Variants in ASB3 observed in about 807,000 individuals in gnomAD.
ASB3 encodes ankyrin repeat and SOCS box protein 3.
A neutral mutation model predicts 54.5 loss-of-function variants in ASB3; 41 were observed. That is an observed-to-expected ratio of 0.75 (90% confidence interval 0.59 to 0.98). ASB3 has a LOEUF of 0.98. Ranked by LOEUF, ASB3 falls within the 50% of genes least tolerant of loss-of-function variation. ASB3 has a pLI of 0.00. For synonymous variants in ASB3, 266 were observed against 221.2 expected, an observed-to-expected ratio of 1.20 and a Z score of -1.80; for missense variants, 733 against 620.0, an observed-to-expected ratio of 1.18 and a Z score of -1.94.
intron 3 of ASB3, among the ~76,000 whole-genome samples, chr2:53,741,686 G>C (rs180825462): frequency 2.1e-4 from 32 of 152,180 alleles, no homozygotes; most frequent in African/African-American, 7.0e-4. Flanking sequence ...CTGAAATCGA[G>C]AATTTCTGTT....
rs1667751174 is a variant in ASB3 at position 53,670,436 on chromosome 2, C to T, written c.*67G>A. 2 of 1,531,238 alleles carry T rather than the reference C, an allele frequency of 1.3e-6. No homozygotes were observed. The highest frequency in any genetic ancestry group is 4.7e-5 in the East Asian group (2 of 42,674). The allele number at this position is 1,531,238 out of a possible 1,614,324, so 94.9% of individuals were successfully genotyped here. On this transcript the variant is annotated 3_prime_UTR_variant, in exon 10 of 10. Coordinates refer to ENST00000263634, the MANE Select transcript of ASB3 (RefSeq NM_016115.5). ...CTATAAAATCATAAAAACTTGTACT[C>T]TGTGGCTCTTTTGTCTCGATGATTT...
rs3770414 is a variant in ASB3 at position 53,684,447 on chromosome 2, G to T, written c.1369+9437C>A. Among the ~76,000 whole-genome samples, 38 of 152,258 alleles carry T rather than the reference G, an allele frequency of 2.5e-4. 1 individual carries two copies. In the East Asian group the frequency reaches 5.0e-3, roughly 20 times the overall value. ...AATTCATGAATAAAGGAGATTACCAGAATTCGATTTAGACGAACAGTTTTA... is the reference window on the plus strand; with the variant it reads ...AATTCATGAATAAAGGAGATTACCATAATTCGATTTAGACGAACAGTTTTA... On this transcript the variant is annotated intron_variant, in intron 9 of 9. Coordinates refer to ENST00000263634, the MANE Select transcript of ASB3 (RefSeq NM_016115.5).
intron 3 of ASB3, among the ~76,000 whole-genome samples, chr2:53,731,429 A>C (rs1671305625): frequency 6.6e-6 from 1 of 152,112 alleles, no homozygotes; most frequent in Non-Finnish European, 1.5e-5. Flanking sequence ...AAAACAAAAC[A>C]AAAAACCAAA....
At position 53,677,356 on chromosome 2, in the gene ASB3, C is replaced by T. The variant is rs182839397; in HGVS notation, c.1370-6666G>A. Among the ~76,000 whole-genome samples the T allele has an allele frequency of 3.5e-3, 527 of 152,204 alleles. 1 individual carries two copies. Among genetic ancestry groups the T allele is most frequent in the African/African-American group, 0.012 (507 of 41,520 alleles). On this transcript the variant is annotated intron_variant, in intron 9 of 9. Coordinates refer to ENST00000263634, the MANE Select transcript of ASB3 (RefSeq NM_016115.5). ...TGTATCTCTTTTCTGGTGCATTTTTCCTTTAGCAGCTCTTAAAAAATTGCC... is the reference window on the plus strand; with the variant it reads ...TGTATCTCTTTTCTGGTGCATTTTTTCTTTAGCAGCTCTTAAAAAATTGCC...
chr2:53,733,613 T>G (rs763795732), intron 3 of ASB3, among the ~76,000 whole-genome samples: 2 of 152,166 alleles, frequency 1.3e-5, no homozygotes, highest in Non-Finnish European at 2.9e-5. Context: ...ACCTAATTTT[T>G]GTATTTTTAG....
rs376412249 is a variant in ASB3, at chr2:53,761,177, C to T, written c.196+4200G>A. ...TAGCTGGGAAAGGTGACCGCACCTACCTTTAAACACCGGGCTTGTAACTCA... is the reference window on the plus strand; with the variant it reads ...TAGCTGGGAAAGGTGACCGCACCTATCTTTAAACACCGGGCTTGTAACTCA... On this transcript the variant is annotated intron_variant, in intron 2 of 9. Coordinates refer to ENST00000263634, the MANE Select transcript of ASB3 (RefSeq NM_016115.5). 5.3e-5 allele frequency among the ~76,000 whole-genome samples: 8 copies of T among 152,250 alleles called. No homozygotes were observed. In the East Asian group the frequency reaches 7.7e-4, roughly 15 times the overall value.
At chr2:53,758,964 G>C (rs1367733971) in intron 2 of ASB3, among the ~76,000 whole-genome samples, 1 of 152,186 alleles carries the variant, frequency 6.6e-6, no homozygotes, top group Admixed American at 6.5e-5. Flanking sequence ...AGATAACCCT[G>C]ATGGCTATAT....
intron 9 of ASB3, among the ~76,000 whole-genome samples, chr2:53,683,800 C>T (rs868775816): frequency 6.6e-6 from 1 of 151,946 alleles, no homozygotes; most frequent in African/African-American, 2.4e-5. Flanking sequence ...TCTACGGTAT[C>T]GGTTATAATG....
chr2:53,716,256 A>G (rs1164981278), intron 6 of ASB3, among the ~76,000 whole-genome samples: 3 of 152,170 alleles, frequency 2.0e-5, no homozygotes, highest in Non-Finnish European at 4.4e-5. Flanking sequence ...GATGCCTGGG[A>G]TAAAACTAGG....
chr2:53,728,976 A>T, intron 4 of ASB3, 129 bp from the exon 5 acceptor site: 1 of 1,031,748 alleles, frequency 9.7e-7, no homozygotes, highest in Non-Finnish European at 1.3e-6. Context: ...AAAACAAAAC[A>T]GTATACTGCT....
At chr2:53,682,652 T>C (rs1053197754) in intron 9 of ASB3, among the ~76,000 whole-genome samples, 3 of 151,994 alleles carry the variant, frequency 2.0e-5, no homozygotes, top group African/African-American at 7.2e-5. Flanking sequence ...AATTTTTGTA[T>C]TTTTAGTAGA....
intron 5 of ASB3, among the ~76,000 whole-genome samples, chr2:53,717,345 T>C (rs986293938): frequency 6.6e-6 from 1 of 152,218 alleles, no homozygotes; most frequent in African/African-American, 2.4e-5. Flanking sequence ...ATGACATATA[T>C]GGGAGCCACG....
At chr2:53,769,726 G>A (rs1191799723) in intron 1 of ASB3, among the ~76,000 whole-genome samples, 2 of 152,312 alleles carry the variant, frequency 1.3e-5, no homozygotes, top group East Asian at 3.9e-4. Flanking sequence ...CACGCCAGTA[G>A]AGTCCCAGCT....
At chr2:53,697,187 C>T (rs998940989) in intron 8 of ASB3, among the ~76,000 whole-genome samples, 2 of 152,206 alleles carry the variant, frequency 1.3e-5, no homozygotes, top group Non-Finnish European at 2.9e-5. Context: ...GACACTCCCA[C>T]CAGCCCCATG....
Position 53,765,422 on chromosome 2 carries a change from C to T in ASB3, c.151G>A (p.Ala51Thr), listed in dbSNP as rs763130710. The T allele has an allele frequency of 1.2e-6, 2 of 1,614,182 alleles. No individual in the cohort carries two copies. The highest frequency in any genetic ancestry group is 1.7e-6 in the Non-Finnish European group (2 of 1,180,010). The change falls in exon 2 of 10, where the codon GCT becomes ACT. Residue 51 changes from alanine (A) to threonine (T), a missense_variant. By Grantham distance (58) the Ala-to-Thr change is moderately conservative. Coordinates refer to ENST00000263634, the MANE Select transcript of ASB3 (RefSeq NM_016115.5). ...AAACATTCTACAGAGTTGTGATAAG[C>T]TGCTTCATGAATTGGCATCCATCCC... ...NRGWMPIHEA[A>T]YHNSVECLQM...
intron 9 of ASB3, among the ~76,000 whole-genome samples, chr2:53,693,609 TTAAAAA>T: frequency 6.6e-6 from 1 of 152,254 alleles, no homozygotes; most frequent in Non-Finnish European, 1.5e-5. Flanking sequence ...ATAATCCTTA[TTAAAAA>T]TAAAAGGATA....
At chr2:53,781,131 G>A (rs557732481) in intron 1 of ASB3, among the ~76,000 whole-genome samples, 106 of 152,206 alleles carry the variant, frequency 7.0e-4, no homozygotes, top group African/African-American at 2.5e-3. Context: ...AAAGGAAGCC[G>A]GGCAAGTGGC....
chr2:53,778,086 T>A (rs996387549), intron 1 of ASB3, among the ~76,000 whole-genome samples: 3 of 148,740 alleles, frequency 2.0e-5, no homozygotes, highest in Non-Finnish European at 4.4e-5. Context: ...GAGGCAGAGG[T>A]TGCAGTGAGC....
At position 53,670,151 on chromosome 2, in the gene ASB3, C is replaced by T. The variant is rs1667742792; in HGVS notation, c.*352G>A. 5.5e-6 allele frequency: 1 copy of T among 181,928 alleles called. No homozygotes were observed. Among genetic ancestry groups the T allele is most frequent in the Admixed American group, 6.2e-5 (1 of 16,192 alleles). 11.3% of individuals were successfully genotyped at this position (181,928 alleles called of 1,614,324 possible). A position where few individuals can be genotyped will look rare whatever the true frequency, so the allele number is the denominator to read the frequency against. On this transcript the variant is annotated 3_prime_UTR_variant, in exon 10 of 10. Transcript: ENST00000263634. ...ACACGAATCATAGGTGGAAATATGC[C>T]ATGTTTAGCACTAGAAGTAACATCA...
Sources: allele counts gnomAD v4.1 joint callset (sites outside exome capture counted in the v4.1 genomes callset), GRCh38; gene constraint gnomAD v4.1.1; transcripts MANE v1.5; gene names NCBI Gene and HGNC (gene_info 2026-07-23, HGNC 2026-07-21).